Variants in TTYH3 observed in about 807,000 individuals in gnomAD.
TTYH3 encodes tweety family member 3, also known as protein tweety homolog 3.
A neutral mutation model predicts 68.2 loss-of-function variants in TTYH3; 23 were observed. The observed-to-expected ratio is 0.34, with a 90% confidence interval of 0.24 to 0.48. The LOEUF (loss-of-function observed/expected upper bound fraction) is 0.48, where lower values mean the gene tolerates loss of function less well. Ranked by LOEUF, TTYH3 falls within the 20% of genes least tolerant of loss-of-function variation. The pLI is 0.99. For synonymous variants in TTYH3, 360 were observed against 332.8 expected (o/e 1.08, Z -0.89); for missense variants, 768 against 727.7 (o/e 1.06, Z -0.64).
intron 9 of TTYH3, 82 bp from the exon 10 acceptor site, chr7:2,656,010 G>A: frequency 8.8e-7 from 1 of 1,135,748 alleles, no homozygotes; most frequent in African/African-American, 1.5e-5. Context: ...GGGAGACCTG[G>A]GGGCTTCCCA....
chr7:2,648,581 A>G (rs1242922276), intron 5 of TTYH3: 1 of 153,534 alleles, frequency 6.5e-6, no homozygotes, highest in African/African-American at 2.4e-5. Context: ...CTGCACAGCC[A>G]TGGCTGGTGC....
At chr7:2,658,872 C>T (rs1183936590) in intron 12 of TTYH3, 68 bp from the exon 13 acceptor site, 1 of 1,488,874 alleles carries the variant, frequency 6.7e-7, no homozygotes, top group Non-Finnish European at 9.3e-7. Flanking sequence ...TACCCATGGG[C>T]CCCCCGACCT....
rs940410500 is a variant in TTYH3, at chr7:2,647,183, G to C, written c.335G>C (p.Ser112Thr). 8.1e-6 allele frequency: 13 copies of C among 1,607,096 alleles called. No homozygotes were observed. The highest frequency in any genetic ancestry group is 3.4e-5 in the Admixed American group (2 of 59,512). The part of the protein sequence containing the change: ...AVGFYGNGET[S>T]DGIHRATYSL... ...GGATTCTACGGCAACGGGGAGACCAGTGATGGCATCCATAGGGCCACCTAC... is the reference window on the plus strand; with the variant it reads ...GGATTCTACGGCAACGGGGAGACCACTGATGGCATCCATAGGGCCACCTAC... The change falls in exon 3 of 14, where the codon AGT becomes ACT. Residue 112 changes from serine (S) to threonine (T), a missense_variant. By Grantham distance (58) the Ser-to-Thr change is moderately conservative. Coordinates refer to ENST00000258796, the MANE Select transcript of TTYH3 (RefSeq NM_025250.3).
Position 2,642,085 on chromosome 7 carries a change from A to G in TTYH3, c.124-4768A>G, listed in dbSNP as rs965300834. On this transcript the variant is annotated intron_variant, in intron 1 of 13. Transcript: ENST00000258796. ...CGAGGCTCCGTTTGCAGCTGGCCCC[A>G]TCCAGGCAAGAACAAGAGAAAGCTG... Among the ~76,000 whole-genome samples, 30 of 152,354 alleles carry G rather than the reference A, an allele frequency of 2.0e-4. No homozygotes were observed. The East Asian group carries it at 5.6e-3, about 28-fold the overall frequency.
At position 2,647,542 on chromosome 7, in the gene TTYH3, C is replaced by G; in HGVS notation, c.530C>G (p.Thr177Arg). The G allele has an allele frequency of 7.1e-6, 11 of 1,554,556 alleles. No homozygotes were observed. Among genetic ancestry groups the G allele is most frequent in the Non-Finnish European group, 9.6e-6 (11 of 1,150,512 alleles). ...CAGAGGCTGCAGGGCCTGCTGGAGA[C>G]GCTGCTGGGCTACACGGCCGCCATC... ...AVQRLQGLLE[T>R]LLGYTAAIPF... Residue 177 changes from threonine to arginine, a missense_variant, in exon 4 of 14, where the codon ACG (threonine) becomes AGG (arginine). By Grantham distance (71) the Thr-to-Arg change is moderately conservative. Transcript: ENST00000258796.
intron 1 of TTYH3, among the ~76,000 whole-genome samples, chr7:2,641,101 C>A (rs1460102850): frequency 6.6e-6 from 1 of 152,188 alleles, no homozygotes; most frequent in Non-Finnish European, 1.5e-5. Flanking sequence ...CTGCCCCGAG[C>A]CACACCCCAG....
Position 2,649,902 on chromosome 7 carries a change from G to A in TTYH3, c.796-11G>A, listed in dbSNP as rs373990667. On this transcript the variant is annotated splice_polypyrimidine_tract_variant and intron_variant, in intron 6 of 13. Coordinates refer to ENST00000258796, the MANE Select transcript of TTYH3 (RefSeq NM_025250.3). ...TGGTCAACCCCTCTTGCTTGCCCACGCCCACCTCAGGGCTCCAGCGACTTC... is the reference window on the plus strand; with the variant it reads ...TGGTCAACCCCTCTTGCTTGCCCACACCCACCTCAGGGCTCCAGCGACTTC... 36 of 1,613,550 alleles carry A rather than the reference G, an allele frequency of 2.2e-5. No homozygotes were observed. The highest frequency in any genetic ancestry group is 2.7e-5 in the African/African-American group (2 of 74,888).
At chr7:2,654,929 G>T (rs947616475) in intron 9 of TTYH3, among the ~76,000 whole-genome samples, 1 of 151,644 alleles carries the variant, frequency 6.6e-6, no homozygotes, top group Non-Finnish European at 1.5e-5. Context: ...CGCCTGCAGC[G>T]CACCCAGCTC....
At chr7:2,657,641 C>T (rs1051131376) in intron 11 of TTYH3, among the ~76,000 whole-genome samples, 1 of 152,196 alleles carries the variant, frequency 6.6e-6, no homozygotes, top group Admixed American at 6.5e-5. Context: ...CCCTGGGCCT[C>T]AATTTCCCTC....
intron 6 of TTYH3, 28 bp downstream of exon 6, chr7:2,649,667 G>C (rs1006501784): frequency 6.3e-7 from 1 of 1,583,350 alleles, no homozygotes; most frequent in Admixed American, 1.8e-5. Flanking sequence ...TGAGGTCCCC[G>C]GCTGCTGGAC....
chr7:2,632,092 C>T lies in TTYH3; in HGVS notation c.-64C>T. On this transcript the variant is annotated 5_prime_UTR_variant, in exon 1 of 14. Coordinates refer to ENST00000258796, the MANE Select transcript of TTYH3 (RefSeq NM_025250.3). ...GGGGTCGACGGGTCCCTGAAGCCCG[C>T]GCCCCGGGCCAGCAAGGGAGCCCCG... The T allele has an allele frequency of 1.2e-5, 15 of 1,230,550 alleles. No homozygotes were observed. Among genetic ancestry groups the T allele is most frequent in the Non-Finnish European group, 1.5e-5 (15 of 985,138 alleles). 76.2% of individuals were successfully genotyped at this position (1,230,550 alleles called of 1,614,324 possible). A position where few individuals can be genotyped will look rare whatever the true frequency, so the allele number is the denominator to read the frequency against.
chr7:2,642,583 C>T (rs1475143098), intron 1 of TTYH3, among the ~76,000 whole-genome samples: 1 of 149,780 alleles, frequency 6.7e-6, no homozygotes, highest in Non-Finnish European at 1.5e-5. Flanking sequence ...AGAAAATTAG[C>T]CAGGCGTGGT....
chr7:2,652,825 G>T (rs765418263), intron 8 of TTYH3, 93 bp from the exon 9 acceptor site: 1 of 1,003,922 alleles, frequency 1.0e-6, no homozygotes, highest in Non-Finnish European at 1.5e-6. Flanking sequence ...CAGGCTGGAC[G>T]TCTTGCTGGT....
intron 9 of TTYH3, 124 bp downstream of exon 9, chr7:2,653,134 G>A (rs551229220): frequency 3.1e-5 from 25 of 802,632 alleles, no homozygotes; most frequent in African/African-American, 2.7e-4. Context: ...GCCGAGTGGG[G>A]ACCTGGTGTT....
intron 13 of TTYH3, 68 bp from the exon 14 acceptor site, chr7:2,661,600 G>A (rs972281856): frequency 9.7e-5 from 147 of 1,510,268 alleles, no homozygotes; most frequent in Non-Finnish European, 1.3e-4. Flanking sequence ...AGGACCACGC[G>A]GAAGGCGCCC....
At chr7:2,638,732 T>G (rs1298844757) in intron 1 of TTYH3, among the ~76,000 whole-genome samples, 2 of 152,148 alleles carry the variant, frequency 1.3e-5, no homozygotes, top group Non-Finnish European at 2.9e-5. Flanking sequence ...GTTTTTAATT[T>G]TGGGCCAGTG....
Position 2,649,997 on chromosome 7 carries a change from G to C in TTYH3, c.871+9G>C, listed in dbSNP as rs768860235. 6.2e-7 allele frequency: 1 copy of C among 1,613,888 alleles called. No individual in the cohort carries two copies. On this transcript the variant is annotated intron_variant, in intron 7 of 13. Transcript: ENST00000258796. ...CTCGGTGCTGAGTGGGGGTGAGTCT[G>C]TGTCCACGGCCGTGTCCCAGCGGGT... is the stretch of plus-strand genomic sequence containing the variant.
intron 6 of TTYH3, 41 bp downstream of exon 6, chr7:2,649,680 G>A (rs752765808): frequency 6.4e-6 from 10 of 1,570,182 alleles, no homozygotes; most frequent in African/African-American, 4.0e-5. Context: ...TGCTGGACCT[G>A]GGCACTGGGG....
intron 1 of TTYH3, among the ~76,000 whole-genome samples, chr7:2,644,714 C>T (rs866418336): frequency 6.6e-6 from 1 of 152,164 alleles, no homozygotes; most frequent in Non-Finnish European, 1.5e-5. Flanking sequence ...GCTGGGCAGC[C>T]GTGGACACAC....
Sources: allele counts gnomAD v4.1 joint callset (sites outside exome capture counted in the v4.1 genomes callset), GRCh38; gene constraint gnomAD v4.1.1; transcripts MANE v1.5; gene names NCBI Gene and HGNC (gene_info 2026-07-23, HGNC 2026-07-21).